The following RBMS3 variants were observed in gnomAD, a reference collection of about 807,000 sequenced individuals.
RBMS3 encodes RNA binding motif single stranded interacting protein 3, also known as RNA-binding motif, single-stranded-interacting protein 3.
Under a neutral mutation model 66.8 loss-of-function variants are expected in RBMS3, and 27 were observed. The ratio of observed to expected loss-of-function variants is 0.40; its 90% CI spans 0.30 to 0.56. The LOEUF (loss-of-function observed/expected upper bound fraction) is 0.56. RBMS3 is among the 20% of genes least tolerant of loss of function. The pLI is 0.40. For synonymous variants in RBMS3, 188 were observed against 183.0 expected (o/e 1.03, Z -0.22); for missense variants, 513 against 549.5 (o/e 0.93, Z 0.66).
chr3:29,360,529 T>C (rs186754492), intron 1 of RBMS3, among the ~76,000 whole-genome samples: 36 of 152,142 alleles, frequency 2.4e-4, no homozygotes, highest in Non-Finnish European at 3.8e-4. Flanking sequence ...TTCTGTTGAT[T>C]TGGGGTGAAG....
intron 4 of RBMS3, among the ~76,000 whole-genome samples, chr3:29,602,161 T>C (rs968848044): frequency 2.0e-5 from 3 of 152,056 alleles, no homozygotes; most frequent in Non-Finnish European, 4.4e-5. Flanking sequence ...CACGGTACAC[T>C]GACACAAGTT....
chr3:29,317,787 G>T (rs1466966158), intron 1 of RBMS3, among the ~76,000 whole-genome samples: 1 of 151,644 alleles, frequency 6.6e-6, no homozygotes, highest in African/African-American at 2.4e-5. Context: ...GCAGGAGTTT[G>T]TTTTACTCAT....
Position 29,327,879 on chromosome 3 carries a change from G to A in RBMS3, c.75+46123G>A, listed in dbSNP as rs1464636149. On this transcript the variant is annotated intron_variant, in intron 1 of 14. Coordinates refer to ENST00000383767, the MANE Select transcript of RBMS3 (RefSeq NM_001003793.3). ...ACACCAAGGAGCTATTATCGATCAC[G>A]TCAGAGTGAGGCAGGTAGAATGCTA... Among the ~76,000 whole-genome samples, 8 of 152,268 alleles carry A rather than the reference G, an allele frequency of 5.3e-5. No homozygotes were observed. In the East Asian group the frequency reaches 9.6e-4, roughly 18 times the overall value.
chr3:29,492,010 T>C (rs1190425965), intron 3 of RBMS3, among the ~76,000 whole-genome samples: 2 of 151,554 alleles, frequency 1.3e-5, no homozygotes, highest in African/African-American at 2.4e-5. Context: ...AAAAAAGAAA[T>C]TGGACACCAT....
At chr3:29,655,807 C>A (rs1004188420) in intron 4 of RBMS3, among the ~76,000 whole-genome samples, 1 of 152,072 alleles carries the variant, frequency 6.6e-6, no homozygotes, top group Non-Finnish European at 1.5e-5. Flanking sequence ...GAGATGATAG[C>A]TCCATGTATG....
At chr3:29,915,643 A>G (rs2060621979) in intron 10 of RBMS3, among the ~76,000 whole-genome samples, 1 of 151,964 alleles carries the variant, frequency 6.6e-6, no homozygotes, top group Non-Finnish European at 1.5e-5. Flanking sequence ...GTTCAAACCG[A>G]AATTGTCAAG....
chr3:29,366,714 T>C (rs2037929565), intron 1 of RBMS3, among the ~76,000 whole-genome samples: 1 of 152,172 alleles, frequency 6.6e-6, no homozygotes, highest in East Asian at 1.9e-4. Flanking sequence ...ATGCGGTATC[T>C]CTGGGGCCAA....
rs552385123 is a variant in RBMS3, at chr3:29,869,583, C to G, written c.744+619C>G. Among the ~76,000 whole-genome samples the G allele has an allele frequency of 2.0e-5, 3 of 152,182 alleles. No individual in the cohort carries two copies. The East Asian group carries it at 5.8e-4, about 29-fold the overall frequency. The stretch of plus-strand genomic sequence containing the variant: ...CACAAGGAGAAGGAAAAGCACTGAA[C>G]AGCTCACTATCCATTTACCCTCAAT... On this transcript the variant is annotated intron_variant, in intron 7 of 14. Transcript: ENST00000383767.
intron 3 of RBMS3, among the ~76,000 whole-genome samples, chr3:29,500,355 C>T (rs1337166282): frequency 1.3e-5 from 2 of 150,328 alleles, no homozygotes; most frequent in Non-Finnish European, 3.0e-5. Flanking sequence ...GAAATTTTCT[C>T]AGTCTATCTC....
intron 1 of RBMS3, among the ~76,000 whole-genome samples, chr3:29,352,906 G>A (rs1242905693): frequency 1.3e-5 from 2 of 150,320 alleles, no homozygotes; most frequent in African/African-American, 4.9e-5. Context: ...CCATGTCACT[G>A]TAAATGACAT....
At chr3:29,356,672 T>C (rs1182084202) in intron 1 of RBMS3, among the ~76,000 whole-genome samples, 1 of 152,178 alleles carries the variant, frequency 6.6e-6, no homozygotes, top group African/African-American at 2.4e-5. Context: ...TTAGTAGTGT[T>C]TACACATTCA....
At chr3:29,281,828 T>A in intron 1 of RBMS3, 72 bp downstream of exon 1, 1 of 1,315,964 alleles carries the variant, frequency 7.6e-7, no homozygotes, top group Non-Finnish European at 1.1e-6. Context: ...CAGACAGGCG[T>A]GTGAATTATT....
At chr3:29,922,493 CAAAA>C (rs68121692) in intron 10 of RBMS3, among the ~76,000 whole-genome samples, 3 of 99,080 alleles carry the variant, frequency 3.0e-5, no homozygotes, top group Non-Finnish European at 6.3e-5. Context: ...GACTCCGTCT[CAAAA>C]AAAAAAAAAA....
At chr3:29,982,778 CTGTT>C (rs372066681) in intron 12 of RBMS3, among the ~76,000 whole-genome samples, 41 of 152,242 alleles carry the variant, frequency 2.7e-4, no homozygotes, top group East Asian at 5.8e-4. Flanking sequence ...GTCTGAGAGA[CTGTT>C]TGTTTTGATT....
At chr3:29,411,602 CAGAG>C (rs138023954) in intron 1 of RBMS3, among the ~76,000 whole-genome samples, 12 of 151,556 alleles carry the variant, frequency 7.9e-5, no homozygotes, top group African/African-American at 2.9e-4. Flanking sequence ...AGTGTCTTGC[CAGAG>C]AGAGAGAGAG....
At chr3:29,782,840 A>G (rs561826084) in intron 6 of RBMS3, among the ~76,000 whole-genome samples, 3 of 152,298 alleles carry the variant, frequency 2.0e-5, no homozygotes, top group African/African-American at 4.8e-5. Context: ...ATAAAAACCA[A>G]TAACAAATTC....
chr3:29,765,010 A>T (rs573480807), intron 6 of RBMS3, among the ~76,000 whole-genome samples: 1 of 152,162 alleles, frequency 6.6e-6, no homozygotes, highest in Non-Finnish European at 1.5e-5. Flanking sequence ...TAAATACAGA[A>T]TATTGATCAT....
At chr3:29,837,171 A>C (rs933521054) in intron 6 of RBMS3, among the ~76,000 whole-genome samples, 8 of 152,100 alleles carry the variant, frequency 5.3e-5, no homozygotes, top group Admixed American at 5.2e-4. Context: ...CTTAAATGAT[A>C]GTTCCAACAC....
At chr3:29,840,342 AAAC>A (rs1325749650) in intron 6 of RBMS3, among the ~76,000 whole-genome samples, 1 of 152,082 alleles carries the variant, frequency 6.6e-6, no homozygotes, top group African/African-American at 2.4e-5. Context: ...AAATCAATTA[AAAC>A]AACATTTTAT....
Sources: allele counts gnomAD v4.1 joint callset (sites outside exome capture counted in the v4.1 genomes callset), GRCh38; gene constraint gnomAD v4.1.1; transcripts MANE v1.5; gene names NCBI Gene and HGNC (gene_info 2026-07-23, HGNC 2026-07-21).